Variants in SPATA13 observed in about 807,000 individuals in gnomAD.
SPATA13 encodes spermatogenesis-associated protein 13.
A neutral mutation model predicts 104.0 loss-of-function variants in SPATA13; 50 were observed. The observed-to-expected ratio is 0.48, with a 90% CI of 0.38 to 0.61. The LOEUF (loss-of-function observed/expected upper bound fraction) is 0.61. Ranked by LOEUF, SPATA13 falls within the 20% of genes least tolerant of loss-of-function variation. The probability of loss-of-function intolerance (pLI) is 0.00; values close to 1 mark genes in which losing one functional copy is unlikely to be tolerated. For synonymous variants in SPATA13, 606 were observed against 667.5 expected, an observed-to-expected ratio of 0.91 and a Z score of 1.42; for missense variants, 1,524 against 1,690.6, an observed-to-expected ratio of 0.90 and a Z score of 1.73.
intron 2 of SPATA13, among the ~76,000 whole-genome samples, chr13:24,002,551 CAG>C (rs1316015516): frequency 6.6e-6 from 1 of 152,104 alleles, no homozygotes; most frequent in Non-Finnish European, 1.5e-5. Flanking sequence ...GAGGCCTGGT[CAG>C]GGGGGTGAGT....
intron 3 of SPATA13, among the ~76,000 whole-genome samples, chr13:24,147,248 A>G (rs534196618): frequency 5.9e-5 from 9 of 152,354 alleles, no homozygotes; most frequent in Admixed American, 5.2e-4. Context: ...AACAGGATGC[A>G]GAGAAGGTGG....
chr13:24,111,896 T>C (rs568172385), intron 3 of SPATA13, among the ~76,000 whole-genome samples: 14 of 152,366 alleles, frequency 9.2e-5, no homozygotes, highest in Non-Finnish European at 1.5e-4. Context: ...TCCCCATTTA[T>C]GTTTCCTTGT....
At chr13:24,152,800 A>C (rs1195429389) in intron 3 of SPATA13, among the ~76,000 whole-genome samples, 1 of 152,206 alleles carries the variant, frequency 6.6e-6, no homozygotes, top group Non-Finnish European at 1.5e-5. Flanking sequence ...CCAAGTCCTT[A>C]TCATGGAGGA....
intron 4 of SPATA13, among the ~76,000 whole-genome samples, chr13:24,255,298 C>G (rs1412153288): frequency 1.3e-5 from 2 of 152,124 alleles, no homozygotes; most frequent in Non-Finnish European, 2.9e-5. Context: ...TCTGCTCCAT[C>G]AAGAGGCCTG....
At chr13:24,276,682 A>C (rs1875007288) in intron 4 of SPATA13, among the ~76,000 whole-genome samples, 4 of 152,244 alleles carry the variant, frequency 2.6e-5, no homozygotes, top group Non-Finnish European at 1.5e-5. Context: ...AATTATTATA[A>C]TACATTCATT....
intron 3 of SPATA13, among the ~76,000 whole-genome samples, chr13:24,095,102 C>T (rs1281420910): frequency 6.6e-6 from 1 of 152,216 alleles, no homozygotes; most frequent in African/African-American, 2.4e-5. Context: ...GGCATGTGCA[C>T]ACCCATGTTC....
At chr13:24,039,217 T>C (rs1440123425) in intron 3 of SPATA13, among the ~76,000 whole-genome samples, 2 of 152,238 alleles carry the variant, frequency 1.3e-5, no homozygotes, top group Non-Finnish European at 2.9e-5. Flanking sequence ...CTGTCTTGAT[T>C]GTTCCACTTT....
intron 2 of SPATA13, among the ~76,000 whole-genome samples, chr13:24,000,285 A>C (rs897108301): frequency 5.4e-5 from 8 of 148,418 alleles, no homozygotes; most frequent in Middle Eastern, 3.5e-3. Flanking sequence ...CAGCTGAGGC[A>C]TGAGTAAGAG....
In SPATA13 at chr13:24,223,323, A is replaced by C. The variant is rs1400823194; in HGVS notation, c.394A>C (p.Asn132His). The C allele has an allele frequency of 6.4e-7, 1 of 1,551,520 alleles. No homozygotes were observed. Among genetic ancestry groups the C allele is most frequent in the Non-Finnish European group, 8.7e-7 (1 of 1,146,992 alleles). Residue 132 changes from asparagine to histidine, a missense_variant, in exon 2 of 13, where the codon AAT (asparagine) becomes CAT (histidine). Coordinates refer to ENST00000382108, the MANE Select transcript of SPATA13 (RefSeq NM_001166271.3). ...AGGAATTCAGAGCCGAGAGGGGTCA[A>C]ATGCCTGTTCAAAGGGAGAGGCTTC... Reference protein sequence around the residue: ...LKGIQSREGSNACSKGEASEH... With the variant: ...LKGIQSREGSHACSKGEASEH...
intron 3 of SPATA13, among the ~76,000 whole-genome samples, chr13:24,054,359 G>A (rs541799303): frequency 6.6e-6 from 1 of 152,340 alleles, no homozygotes; most frequent in South Asian, 2.1e-4. Context: ...CTCTGTCCAA[G>A]TATCCAAGTG....
At chr13:24,255,466 T>A (rs1261397038) in intron 4 of SPATA13, among the ~76,000 whole-genome samples, 2 of 152,062 alleles carry the variant, frequency 1.3e-5, no homozygotes, top group Non-Finnish European at 2.9e-5. Flanking sequence ...CGAGATCAGT[T>A]AACAGCACAA....
chr13:24,062,524 T>C (rs1307607085), intron 3 of SPATA13, among the ~76,000 whole-genome samples: 2 of 152,086 alleles, frequency 1.3e-5, no homozygotes, highest in African/African-American at 4.8e-5. Context: ...TCACCTCACC[T>C]CCATGGAGCC....
At chr13:24,297,861 A>G in intron 11 of SPATA13, 126 bp downstream of exon 11, 1 of 1,189,644 alleles carries the variant, frequency 8.4e-7, no homozygotes, top group Non-Finnish European at 1.1e-6. Context: ...TGGGGAAAGG[A>G]CAAGGGATCT....
chr13:24,191,238 A>G (rs1280855976), intron 1 of SPATA13, among the ~76,000 whole-genome samples: 1 of 151,890 alleles, frequency 6.6e-6, no homozygotes, highest in Admixed American at 6.6e-5. Context: ...GGCCTCCCAA[A>G]ATGTTGGGAT....
intron 2 of SPATA13, among the ~76,000 whole-genome samples, chr13:24,236,162 A>G (rs1160202494): frequency 8.5e-5 from 13 of 152,224 alleles, no homozygotes; most frequent in Admixed American, 8.5e-4. Context: ...CATGCTCACC[A>G]TTTATTAGCC....
At chr13:24,183,495 A>G (rs1868938754) in intron 1 of SPATA13, among the ~76,000 whole-genome samples, 1 of 152,202 alleles carries the variant, frequency 6.6e-6, no homozygotes, top group Non-Finnish European at 1.5e-5. Context: ...ACTACTTTAT[A>G]CAAGCTTGTC....
At chr13:24,142,121 T>A (rs1881782400) in intron 3 of SPATA13, among the ~76,000 whole-genome samples, 7 of 151,590 alleles carry the variant, frequency 4.6e-5, no homozygotes, top group South Asian at 4.2e-4. Flanking sequence ...TTTTTTTTTT[T>A]TAGCTTTTTT....
At position 24,016,970 on chromosome 13, in the gene SPATA13, A is replaced by G. The variant is rs998277248; in HGVS notation, c.-146-697A>G. Among the ~76,000 whole-genome samples the G allele has an allele frequency of 3.3e-5, 5 of 152,320 alleles. 1 individual carries two copies. The highest frequency in any genetic ancestry group is 2.0e-4 in the Admixed American group (3 of 15,310). ...GATGGTGGAGCCCATGGAGGGTGTG[A>G]TGAACACCAAGTGGGGCCTGACACA... On this transcript the variant is annotated intron_variant, in intron 2 of 14. Coordinates refer to the SPATA13 transcript ENST00000424834.
intron 3 of SPATA13, among the ~76,000 whole-genome samples, chr13:24,082,471 A>T (rs1412085714): frequency 6.6e-6 from 1 of 152,206 alleles, no homozygotes; most frequent in South Asian, 2.1e-4. Context: ...TGTCCACCAC[A>T]GTGGGATACA....
Sources: gnomAD v4.1 joint callset for allele counts (sites outside exome capture counted in the v4.1 genomes callset) on GRCh38, gnomAD v4.1.1 for gene constraint, MANE v1.5 for transcripts, NCBI Gene and HGNC (gene_info 2026-07-23, HGNC 2026-07-21) for gene names.